The following PSTPIP2 variants were observed in gnomAD, a reference collection of about 807,000 sequenced individuals.
The protein encoded by PSTPIP2 is proline-serine-threonine phosphatase-interacting protein 2.
In PSTPIP2, 33 loss-of-function variants were observed where a neutral mutation model predicts 63.3. The observed-to-expected ratio is 0.52, with a 90% CI of 0.40 to 0.70. The LOEUF is 0.70. Among genes scored for constraint, PSTPIP2 ranks in the 30% least tolerant of loss-of-function variants. The probability of loss-of-function intolerance (pLI) is 0.00; values close to 1 mark genes in which losing one functional copy is unlikely to be tolerated. For missense variants in PSTPIP2, 312 were observed against 400.7 expected (o/e 0.78, Z 1.89); for synonymous variants, 125 against 132.7 (o/e 0.94, Z 0.40).
At chr18:45,996,701 T>C (rs1219025608) in intron 9 of PSTPIP2, among the ~76,000 whole-genome samples, 1 of 150,788 alleles carries the variant, frequency 6.6e-6, no homozygotes, top group Non-Finnish European at 1.5e-5. Context: ...GAGGCAAAGG[T>C]GGAAGGATTG....
At chr18:46,045,942 TCAA>T (rs1313133692) in intron 1 of PSTPIP2, among the ~76,000 whole-genome samples, 1 of 152,166 alleles carries the variant, frequency 6.6e-6, no homozygotes, top group Non-Finnish European at 1.5e-5. Flanking sequence ...AGCGCCTGCT[TCAA>T]CAACAACAAA....
At chr18:46,029,755 A>C in intron 2 of PSTPIP2, 2 of 583,958 alleles carry the variant, frequency 3.4e-6, no homozygotes, top group Non-Finnish European at 3.2e-6. Flanking sequence ...TAAAAAGAAA[A>C]CTATTTCTCA....
intron 5 of PSTPIP2, among the ~76,000 whole-genome samples, chr18:46,007,885 G>C (rs1185111267): frequency 6.6e-6 from 1 of 152,134 alleles, no homozygotes; most frequent in Non-Finnish European, 1.5e-5. Context: ...TGGACCCTGG[G>C]GCCCAAGAGG....
intron 5 of PSTPIP2, among the ~76,000 whole-genome samples, chr18:46,007,327 G>A (rs1180770675): frequency 6.6e-6 from 1 of 152,214 alleles, no homozygotes; most frequent in Non-Finnish European, 1.5e-5. Flanking sequence ...AAACCCAGCA[G>A]TCATCTTCCA....
rs185412486 is a variant in PSTPIP2 at position 46,066,540 on chromosome 18, G to A, written c.33+5616C>T. On this transcript the variant is annotated intron_variant, in intron 1 of 14. Transcript: ENST00000409746. ...AGATTACGTGGGGAATGGAGAAGAA[G>A]TTCCTCTCTTCAACAAGTTGCTGTG... Among the ~76,000 whole-genome samples the A allele has an allele frequency of 3.9e-5, 6 of 152,282 alleles. No individual in the cohort carries two copies. The East Asian group carries it at 9.6e-4, about 24-fold the overall frequency.
chr18:45,995,183 T>C (rs113653467), intron 9 of PSTPIP2, among the ~76,000 whole-genome samples: 1,640 of 152,258 alleles, frequency 0.011, 32 homozygotes, highest in African/African-American at 0.036. Flanking sequence ...GGTGCGCTCA[T>C]GGCTCACTGC....
chr18:46,064,282 C>CTTTTTTTTTTTTTTTTTTTTTTTTTTTT (rs56236802), intron 1 of PSTPIP2, among the ~76,000 whole-genome samples: 3 of 71,526 alleles, frequency 4.2e-5, no homozygotes, highest in African/African-American at 1.3e-4. Flanking sequence ...CTTTTTCTTT[C>CTTTTTTTTTTTTTTTTTTTTTTTTTTTT]TTTTTTTTTT....
Position 45,985,273 on chromosome 18 carries a change from G to T in PSTPIP2, c.*186C>A. On this transcript the variant is annotated 3_prime_UTR_variant, in exon 15 of 15. Coordinates refer to ENST00000409746, the MANE Select transcript of PSTPIP2 (RefSeq NM_024430.4). ...GGCAATTTGTAAACTTCAAAAAACT[G>T]CAGAACTCTACTTGCTTATGTTGTC... 1.4e-6 allele frequency: 1 copy of T among 734,638 alleles called. No individual in the cohort carries two copies. The allele number at this position is 734,638 out of a possible 1,614,324, so 45.5% of individuals were successfully genotyped here. A position where few individuals can be genotyped will look rare whatever the true frequency, so the allele number is the denominator to read the frequency against.
At chr18:46,043,782 A>G (rs1364312591) in intron 1 of PSTPIP2, among the ~76,000 whole-genome samples, 1 of 152,260 alleles carries the variant, frequency 6.6e-6, no homozygotes, top group Non-Finnish European at 1.5e-5. Context: ...TACTAAAACT[A>G]GTCAGTTTAA....
intron 3 of PSTPIP2, among the ~76,000 whole-genome samples, chr18:46,023,166 C>T (rs377225552): frequency 2.0e-4 from 30 of 152,088 alleles, no homozygotes; most frequent in African/African-American, 6.5e-4. Flanking sequence ...CTAATGGGTA[C>T]CAGGCTTAAT....
intron 13 of PSTPIP2, among the ~76,000 whole-genome samples, chr18:45,989,060 AAAC>A (rs1011546491): frequency 1.3e-5 from 2 of 152,222 alleles, no homozygotes; most frequent in African/African-American, 4.8e-5. Context: ...GGTAATTCTA[AAAC>A]AACAAGAAAT....
intron 1 of PSTPIP2, among the ~76,000 whole-genome samples, chr18:46,049,231 G>A (rs1461229533): frequency 2.6e-5 from 4 of 152,106 alleles, no homozygotes; most frequent in Non-Finnish European, 4.4e-5. Flanking sequence ...AATACCACAC[G>A]TTCTCATTTA....
chr18:46,044,861 T>G (rs1333857072), intron 1 of PSTPIP2, among the ~76,000 whole-genome samples: 1 of 152,164 alleles, frequency 6.6e-6, no homozygotes, highest in Non-Finnish European at 1.5e-5. Flanking sequence ...CATGAACAGA[T>G]ACTTCTCAAA....
At chr18:46,047,286 T>C (rs1908414194) in intron 1 of PSTPIP2, among the ~76,000 whole-genome samples, 1 of 152,164 alleles carries the variant, frequency 6.6e-6, no homozygotes, top group African/African-American at 2.4e-5. Context: ...TTAATAATTA[T>C]GTCCAGGGTT....
chr18:45,990,835 A>G, intron 12 of PSTPIP2, 79 bp from the exon 13 acceptor site: 2 of 1,227,812 alleles, frequency 1.6e-6, no homozygotes, highest in East Asian at 2.4e-5. Context: ...CTACAAGCCT[A>G]TTGTACTCTA....
At chr18:46,015,183 G>A (rs1190276554) in intron 4 of PSTPIP2, among the ~76,000 whole-genome samples, 1 of 152,212 alleles carries the variant, frequency 6.6e-6, no homozygotes, top group Admixed American at 6.5e-5. Context: ...AGTTCCAGGT[G>A]AGTGGTGGGA....
chr18:46,066,888 G>A (rs987198429), intron 1 of PSTPIP2, among the ~76,000 whole-genome samples: 2 of 152,090 alleles, frequency 1.3e-5, no homozygotes, highest in African/African-American at 2.4e-5. Context: ...TTAGCCGGGC[G>A]TGGTGGCGCA....
rs1231572151 is a variant in PSTPIP2 at position 46,024,662 on chromosome 18, G to C, written c.159C>G (p.Gly53=). ...KERAAIEERY[G]KDLLNLSRKK... ...TCCTAGAGAGGTTGAGCAGATCTTT[G>C]CCATACCTCTCTTCAATTGCTGCCC... is the stretch of plus-strand genomic sequence containing the variant. Residue 53 remains glycine (G), a synonymous_variant, in exon 3 of 15, where the codon GGC becomes GGG. Coordinates refer to ENST00000409746, the MANE Select transcript of PSTPIP2 (RefSeq NM_024430.4). 3 of 1,614,014 alleles carry C rather than the reference G, an allele frequency of 1.9e-6. No individual in the cohort carries two copies. The highest frequency in any genetic ancestry group is 3.3e-5 in the Admixed American group (2 of 60,018).
intron 1 of PSTPIP2, among the ~76,000 whole-genome samples, chr18:46,042,890 C>T (rs537142898): frequency 6.6e-6 from 1 of 152,156 alleles, no homozygotes; most frequent in Non-Finnish European, 1.5e-5. Flanking sequence ...ACCACTTTAA[C>T]TTGGCCTTCA....
Sources: allele counts gnomAD v4.1 joint callset (sites outside exome capture counted in the v4.1 genomes callset), GRCh38; gene constraint gnomAD v4.1.1; transcripts MANE v1.5; gene names NCBI Gene and HGNC (gene_info 2026-07-23, HGNC 2026-07-21).